Variants in DNAH6 observed in about 807,000 individuals in gnomAD.
DNAH6 encodes axonemal beta dynein heavy chain 6.
DNAH6 carries 340 observed loss-of-function variants against 491.4 expected under a neutral mutation model. That is an observed-to-expected ratio of 0.69 (90% CI 0.63 to 0.76). DNAH6 has a LOEUF of 0.76. DNAH6 is among the 30% of genes least tolerant of loss of function. The pLI, the probability that DNAH6 is intolerant of heterozygous loss-of-function variation, is 0.00. For synonymous variants in DNAH6, 1,603 were observed against 1,686.1 expected, an observed-to-expected ratio of 0.95 and a Z score of 1.21; for missense variants, 4,443 against 4,972.2, an observed-to-expected ratio of 0.89 and a Z score of 3.20.
chr2:84,723,091 G>A (rs1420708022), intron 60 of DNAH6, among the ~76,000 whole-genome samples: 1 of 152,142 alleles, frequency 6.6e-6, no homozygotes, highest in African/African-American at 2.4e-5. Flanking sequence ...AGCCAGGCGT[G>A]GTGGCAGGTG....
intron 37 of DNAH6, 94 bp downstream of exon 37, chr2:84,659,263 A>G (rs1374800750): frequency 2.8e-6 from 2 of 716,876 alleles, no homozygotes; most frequent in Non-Finnish European, 4.0e-6. Flanking sequence ...TATTGAAAAT[A>G]TAACTTATAC....
chr2:84,752,333 T>A (rs1416996306), intron 63 of DNAH6, among the ~76,000 whole-genome samples: 1 of 152,206 alleles, frequency 6.6e-6, no homozygotes, highest in African/African-American at 2.4e-5. Context: ...CACAACTACT[T>A]GCTAAGTAAG....
rs191750881 is a variant in DNAH6 at position 84,775,442 on chromosome 2, G to A, written c.10704-6051G>A. Among the ~76,000 whole-genome samples the A allele has an allele frequency of 1.6e-3, 241 of 152,174 alleles. 1 individual carries two copies. Among genetic ancestry groups the A allele is most frequent in the African/African-American group, 5.4e-3 (224 of 41,516 alleles). Reference sequence around the variant, plus strand: ...TTTTGTTGAGAATTTTCGCATCTATGTTCATCATAGATATTGGCCTGACGT... The same window carrying A: ...TTTTGTTGAGAATTTTCGCATCTATATTCATCATAGATATTGGCCTGACGT... On this transcript the variant is annotated intron_variant, in intron 64 of 76. Coordinates refer to ENST00000389394, the MANE Select transcript of DNAH6 (RefSeq NM_001370.2).
chr2:84,698,227 GT>G (rs922009349), intron 47 of DNAH6, among the ~76,000 whole-genome samples: 1 of 151,986 alleles, frequency 6.6e-6, no homozygotes, highest in Non-Finnish European at 1.5e-5. Flanking sequence ...TTTTTTCCTT[GT>G]TTTTGCACCT....
intron 14 of DNAH6, 86 bp downstream of exon 14, chr2:84,579,765 G>A: frequency 2.5e-6 from 3 of 1,189,820 alleles, no homozygotes; most frequent in Middle Eastern, 2.5e-4. Flanking sequence ...AAGGACTAAG[G>A]GGCAAAAGAC....
At chr2:84,480,088 A>G in the DNAH6 span, among the ~76,000 whole-genome samples, 1 of 152,206 alleles carries the variant, frequency 6.6e-6, no homozygotes, top group East Asian at 1.9e-4. Flanking sequence ...CCCACCAAAG[A>G]GTTATTCTAT....
chr2:84,722,816 CA>C lies in DNAH6; in HGVS notation c.9972+13del, dbSNP rs1163796740. On this transcript the variant is annotated intron_variant, in intron 60 of 76. Transcript: ENST00000389394. ...AATACTTTAAACAGGTAAGTGTGTTCATGTTGTTAATGACAGTCATCTCTTT... is the reference window on the plus strand; with the variant it reads ...AATACTTTAAACAGGTAAGTGTGTTCTGTTGTTAATGACAGTCATCTCTTT... 1.4e-6 allele frequency: 2 copies of C among 1,424,334 alleles called. No homozygotes were observed. Among genetic ancestry groups the C allele is most frequent in the African/African-American group, 1.5e-5 (1 of 68,030 alleles). 88.2% of individuals were successfully genotyped at this position (1,424,334 alleles called of 1,614,324 possible).
chr2:84,766,486 T>C (rs1675090356), intron 64 of DNAH6, among the ~76,000 whole-genome samples: 1 of 152,110 alleles, frequency 6.6e-6, no homozygotes, highest in African/African-American at 2.4e-5. Flanking sequence ...ACAAAAACAA[T>C]ATTACATATA....
chr2:84,515,650 G>A (rs907342631), upstream of DNAH6, among the ~76,000 whole-genome samples: 2 of 152,186 alleles, frequency 1.3e-5, no homozygotes, highest in African/African-American at 4.8e-5. Flanking sequence ...TTGGAGACAA[G>A]GTTGAAAACC....
At chr2:84,481,731 G>A in the DNAH6 span, among the ~76,000 whole-genome samples, 2 of 152,190 alleles carry the variant, frequency 1.3e-5, no homozygotes, top group Admixed American at 1.3e-4. Context: ...ACAATCATAA[G>A]GAGGCAGGAA....
chr2:84,586,072 G>T (rs767117046), intron 15 of DNAH6, among the ~76,000 whole-genome samples: 11 of 152,244 alleles, frequency 7.2e-5, no homozygotes, highest in Non-Finnish European at 1.0e-4. Flanking sequence ...AGAAGTGCCT[G>T]CTCCCACTGC....
chr2:84,703,616 T>A, intron 50 of DNAH6, 54 bp downstream of exon 50: 1 of 1,379,904 alleles, frequency 7.2e-7, no homozygotes, highest in Non-Finnish European at 9.6e-7. Context: ...AACTGATCAC[T>A]TATATATAAT....
chr2:84,761,789 T>TACACACACACACAC (rs35707461), intron 63 of DNAH6, among the ~76,000 whole-genome samples: 100 of 141,832 alleles, frequency 7.1e-4, no homozygotes, highest in African/African-American at 1.8e-3. Flanking sequence ...CACACACACA[T>TACACACACACACAC]ACACACACAC....
At chr2:84,784,656 T>C (rs1188545539) in intron 65 of DNAH6, 66 bp from the exon 66 acceptor site, 5 of 959,392 alleles carry the variant, frequency 5.2e-6, no homozygotes, top group Non-Finnish European at 8.0e-6. Flanking sequence ...AATCATGTCT[T>C]ATAGAAAAGT....
rs553809924 is a variant in DNAH6, at chr2:84,731,583, G to A, written c.10207-1861G>A. ...CCTGGCTTGGAGGTTTTTCCTGAGT[G>A]GGAGAAGCAACCTATAAAACAGATA... On this transcript the variant is annotated intron_variant, in intron 61 of 76. Transcript: ENST00000389394. Among the ~76,000 whole-genome samples the A allele has an allele frequency of 2.0e-5, 3 of 152,318 alleles. No homozygotes were observed. The South Asian group carries it at 6.2e-4, about 32-fold the overall frequency.
chr2:84,525,911 G>A (rs751201948), intron 3 of DNAH6, among the ~76,000 whole-genome samples, 173 bp downstream of exon 3: 5 of 152,070 alleles, frequency 3.3e-5, no homozygotes, highest in Non-Finnish European at 5.9e-5. Context: ...CTCTTACAGT[G>A]GAAGAAAATC....
At chr2:84,708,854 G>A (rs988450706) in intron 54 of DNAH6, among the ~76,000 whole-genome samples, 1 of 152,272 alleles carries the variant, frequency 6.6e-6, no homozygotes, top group East Asian at 1.9e-4. Flanking sequence ...AGGGTGCCAT[G>A]TTTCTCACTG....
intron 35 of DNAH6, 82 bp from the exon 36 acceptor site, chr2:84,658,210 A>G: frequency 1.1e-6 from 1 of 932,076 alleles, no homozygotes; most frequent in Non-Finnish European, 1.5e-6. Flanking sequence ...ATATAGAAAT[A>G]TCCAGATTTT....
At chr2:84,792,450 G>A (rs1677853601) in intron 68 of DNAH6, among the ~76,000 whole-genome samples, 1 of 152,202 alleles carries the variant, frequency 6.6e-6, no homozygotes, top group African/African-American at 2.4e-5. Flanking sequence ...TTTACCATAT[G>A]GATTGTGGAG....
Sources: gnomAD v4.1 joint callset for allele counts (sites outside exome capture counted in the v4.1 genomes callset) on GRCh38, gnomAD v4.1.1 for gene constraint, MANE v1.5 for transcripts, NCBI Gene and HGNC (gene_info 2026-07-23, HGNC 2026-07-21) for gene names.